CADPS2: variants seen among roughly 807,000 people sequenced by gnomAD.
CADPS2 encodes the protein calcium-dependent secretion activator 2.
CADPS2 carries 93 observed loss-of-function variants against 172.5 expected under a neutral mutation model. The ratio of observed to expected loss-of-function variants is 0.54; its 90% CI spans 0.46 to 0.64. CADPS2 has a LOEUF of 0.64. Ranked by LOEUF, CADPS2 falls within the 30% of genes least tolerant of loss-of-function variation. CADPS2 has a pLI of 0.00. For missense variants in CADPS2, 1,420 were observed against 1,565.9 expected (o/e 0.91, Z 1.57); for synonymous variants, 546 against 555.2 (o/e 0.98, Z 0.23).
chr7:122,518,025 A>G (rs1375316633), intron 8 of CADPS2, among the ~76,000 whole-genome samples: 2 of 152,114 alleles, frequency 1.3e-5, no homozygotes, highest in South Asian at 2.1e-4. Flanking sequence ...ATCTAAGGCC[A>G]AAATGATTTC....
intron 1 of CADPS2, among the ~76,000 whole-genome samples, chr7:122,845,095 A>G (rs1196473965): frequency 6.6e-6 from 1 of 152,148 alleles, no homozygotes; most frequent in Non-Finnish European, 1.5e-5. Context: ...TCTATCACAA[A>G]TCCCAGAAAT....
chr7:122,411,730 C>T (rs2047343228), intron 19 of CADPS2, among the ~76,000 whole-genome samples: 1 of 152,020 alleles, frequency 6.6e-6, no homozygotes, highest in African/African-American at 2.4e-5. Context: ...TATCCCCTGC[C>T]CCTGCCACAC....
intron 15 of CADPS2, among the ~76,000 whole-genome samples, chr7:122,450,780 C>A (rs1280919186): frequency 6.6e-6 from 1 of 152,028 alleles, no homozygotes; most frequent in Non-Finnish European, 1.5e-5. Context: ...AGTGATCAAA[C>A]CCACATGGCC....
At chr7:122,748,405 T>A (rs973340329) in intron 1 of CADPS2, among the ~76,000 whole-genome samples, 13 of 152,100 alleles carry the variant, frequency 8.5e-5, no homozygotes, top group Non-Finnish European at 1.9e-4. Flanking sequence ...CACAGATCCA[T>A]ATGCTGAAGC....
intron 2 of CADPS2, among the ~76,000 whole-genome samples, chr7:122,710,239 T>C (rs1363575842): frequency 6.6e-6 from 1 of 152,070 alleles, no homozygotes; most frequent in Non-Finnish European, 1.5e-5. Context: ...CAGAGGTGAT[T>C]AAGGAGATTT....
At chr7:122,622,589 T>A (rs574429493) in intron 4 of CADPS2, among the ~76,000 whole-genome samples, 3 of 152,294 alleles carry the variant, frequency 2.0e-5, no homozygotes, top group Non-Finnish European at 4.4e-5. Flanking sequence ...TGAGAGCACT[T>A]TGTTCCCTCA....
At chr7:122,538,316 G>A (rs1300460774) in intron 8 of CADPS2, among the ~76,000 whole-genome samples, 3 of 148,584 alleles carry the variant, frequency 2.0e-5, no homozygotes, top group African/African-American at 7.4e-5. Context: ...AAATTTGGCA[G>A]TGGAGGTGAA....
intron 28 of CADPS2, among the ~76,000 whole-genome samples, chr7:122,343,151 T>A (rs9656292): frequency 0.13 from 20,143 of 152,102 alleles, 1,419 homozygotes; most frequent in Non-Finnish European, 0.15. Flanking sequence ...TGATGACAAA[T>A]CAATAGAATT....
chr7:122,828,947 T>C (rs1327811240), intron 1 of CADPS2, among the ~76,000 whole-genome samples: 1 of 152,224 alleles, frequency 6.6e-6, no homozygotes, highest in Non-Finnish European at 1.5e-5. Flanking sequence ...CCTCACCTTC[T>C]TACCACATTT....
chr7:122,794,986 T>C (rs1007742100), intron 1 of CADPS2, among the ~76,000 whole-genome samples: 1 of 152,076 alleles, frequency 6.6e-6, no homozygotes, highest in Non-Finnish European at 1.5e-5. Context: ...AGAGGGAAAT[T>C]TGTAGCGCTA....
At chr7:122,658,796 A>C (rs1588189340) in intron 3 of CADPS2, among the ~76,000 whole-genome samples, 1 of 152,172 alleles carries the variant, frequency 6.6e-6, no homozygotes, top group Non-Finnish European at 1.5e-5. Flanking sequence ...TGATGAGTTA[A>C]TGGGTGCAGC....
intron 1 of CADPS2, among the ~76,000 whole-genome samples, chr7:122,825,735 A>G (rs1489338206): frequency 6.6e-6 from 1 of 152,162 alleles, no homozygotes; most frequent in Non-Finnish European, 1.5e-5. Flanking sequence ...TGCAGTTGTA[A>G]GAAATAACAC....
intron 6 of CADPS2, among the ~76,000 whole-genome samples, chr7:122,595,812 CAG>C (rs2071682009): frequency 6.6e-6 from 1 of 151,964 alleles, no homozygotes; most frequent in Non-Finnish European, 1.5e-5. Context: ...TCCCAGATGC[CAG>C]AGAGGGTAGG....
intron 14 of CADPS2, among the ~76,000 whole-genome samples, chr7:122,456,164 TAATAA>T (rs1278155996): frequency 3.9e-5 from 6 of 152,000 alleles, no homozygotes; most frequent in Non-Finnish European, 8.8e-5. Flanking sequence ...TTTTAATTAA[TAATAA>T]AATAATTTAC....
chr7:122,365,624 T>G (rs1206514490), intron 25 of CADPS2, among the ~76,000 whole-genome samples: 1 of 152,196 alleles, frequency 6.6e-6, no homozygotes, highest in Non-Finnish European at 1.5e-5. Context: ...TTTGCCTTTG[T>G]GCTGTCTGTT....
intron 1 of CADPS2, among the ~76,000 whole-genome samples, chr7:122,742,598 CATTCTATGTCTATTA>C (rs1217030115): frequency 6.6e-6 from 1 of 152,100 alleles, no homozygotes; most frequent in Non-Finnish European, 1.5e-5. Flanking sequence ...ACATTCTAAG[CATTCTATGTCTATTA>C]ATTCAAACTA....
intron 17 of CADPS2, among the ~76,000 whole-genome samples, chr7:122,429,736 T>C (rs2049632819): frequency 6.6e-6 from 1 of 152,138 alleles, no homozygotes; most frequent in South Asian, 2.1e-4. Flanking sequence ...GAAACTTCAG[T>C]TCATGGGGAC....
At chr7:122,561,245 A>G (rs1376785946) in intron 7 of CADPS2, among the ~76,000 whole-genome samples, 1 of 152,158 alleles carries the variant, frequency 6.6e-6, no homozygotes, top group Non-Finnish European at 1.5e-5. Flanking sequence ...AATTTACAAT[A>G]TGCAATTATT....
intron 8 of CADPS2, among the ~76,000 whole-genome samples, chr7:122,529,225 C>A (rs1317774788): frequency 6.6e-6 from 1 of 151,332 alleles, no homozygotes; most frequent in Admixed American, 6.6e-5. Flanking sequence ...CAGTACCTTC[C>A]CACCCCAAAA....
Sources: gnomAD v4.1 joint callset for allele counts (sites outside exome capture counted in the v4.1 genomes callset) on GRCh38, gnomAD v4.1.1 for gene constraint, MANE v1.5 for transcripts, NCBI Gene and HGNC (gene_info 2026-07-23, HGNC 2026-07-21) for gene names.